The following NSD2 variants were observed in gnomAD, a reference collection of about 807,000 sequenced individuals.
The protein encoded by NSD2 is nuclear receptor binding SET domain protein 2.
A neutral mutation model predicts 139.0 loss-of-function variants in NSD2; 12 were observed. The ratio of observed to expected loss-of-function variants is 0.09; its 90% CI spans 0.06 to 0.14. The LOEUF (loss-of-function observed/expected upper bound fraction) is 0.14, where lower values mean the gene tolerates loss of function less well. NSD2 is among the 10% of genes least tolerant of loss of function. The pLI, the probability that NSD2 is intolerant of heterozygous loss-of-function variation, is 1.00. For synonymous variants in NSD2, 669 were observed against 648.7 expected, an observed-to-expected ratio of 1.03 and a Z score of -0.48; for missense variants, 1,155 against 1,745.0, an observed-to-expected ratio of 0.66 and a Z score of 6.02.
chr4:1,872,299 T>C (rs1299123837), intron 1 of NSD2, among the ~76,000 whole-genome samples: 2 of 152,150 alleles, frequency 1.3e-5, no homozygotes. Context: ...AGATTGATAG[T>C]CCTTGAAGCC....
chr4:1,889,642 C>T (rs1715380287), intron 1 of NSD2, among the ~76,000 whole-genome samples: 1 of 152,010 alleles, frequency 6.6e-6, no homozygotes, highest in African/African-American at 2.4e-5. Context: ...ACTGGGATTA[C>T]AGGCATGTGC....
rs1456717436 is a variant in NSD2, at chr4:1,972,169, C to G, written c.3373-2694C>G. On this transcript the variant is annotated intron_variant, in intron 18 of 21. Coordinates refer to ENST00000508803, the MANE Select transcript of NSD2 (RefSeq NM_001042424.3). The surrounding 1 kb of genome is among the most constrained non-coding windows in gnomAD (Gnocchi z 4.0). ...GGCCAGGTCCACAGGTTTTCCCCTG[C>G]CCTCCTCATGTATGCAGAGCCACAA... is the stretch of plus-strand genomic sequence containing the variant. Among the ~76,000 whole-genome samples the G allele has an allele frequency of 6.6e-6, 1 of 152,170 alleles. No individual in the cohort carries two copies. The highest frequency in any genetic ancestry group is 1.5e-5 in the Non-Finnish European group (1 of 68,032).
At chr4:1,920,592 T>C (rs189094333) in intron 5 of NSD2, among the ~76,000 whole-genome samples, 156 of 152,320 alleles carry the variant, frequency 1.0e-3, no homozygotes, top group Non-Finnish European at 1.5e-3. Flanking sequence ...ATGTGATATT[T>C]GGTACGTGCA....
intron 18 of NSD2, among the ~76,000 whole-genome samples, chr4:1,964,076 A>C (rs1254813777): frequency 6.6e-6 from 1 of 152,202 alleles, no homozygotes; most frequent in African/African-American, 2.4e-5. Context: ...TCGTGAGCAG[A>C]CCTTCCTAAT....
chr4:1,918,008 TG>T, intron 4 of NSD2, 132 bp from the exon 5 acceptor site: 1 of 1,093,690 alleles, frequency 9.1e-7, no homozygotes, highest in Non-Finnish European at 1.3e-6. Context: ...CTTAAACTCC[TG>T]GCCTCAAGTG....
chr4:1,890,976 C>G (rs1350788244), intron 1 of NSD2, among the ~76,000 whole-genome samples: 2 of 152,064 alleles, frequency 1.3e-5, no homozygotes, highest in African/African-American at 4.8e-5. Flanking sequence ...TCACTGCAGT[C>G]TCCACCTCAC....
intron 21 of NSD2, among the ~76,000 whole-genome samples, chr4:1,977,766 T>C (rs1423355225): frequency 1.4e-5 from 2 of 145,348 alleles, no homozygotes; most frequent in African/African-American, 5.2e-5. Context: ...CACTCCAGCC[T>C]GGGCGACAGA....
chr4:1,971,230 G>T (rs185105154), intron 18 of NSD2, among the ~76,000 whole-genome samples: 111 of 152,266 alleles, frequency 7.3e-4, no homozygotes, highest in African/African-American at 2.6e-3. Context: ...ATGCCAAGGT[G>T]AAGTCGAAGA....
chr4:1,942,828 GTCC>G lies in NSD2; in HGVS notation c.1881+3053_1881+3055del. 9.3e-7 allele frequency: 1 copy of G among 1,069,530 alleles called. No individual in the cohort carries two copies. The highest frequency in any genetic ancestry group is 1.1e-6 in the Non-Finnish European group (1 of 881,552). 66.3% of individuals were successfully genotyped at this position (1,069,530 alleles called of 1,614,324 possible). A position where few individuals can be genotyped will look rare whatever the true frequency, so the allele number is the denominator to read the frequency against. ...AAACTAACAGCACACGTTAGGAGGA[GTCC>G]TCATCAGCTGTTCTCATTGCCAGTG... On this transcript the variant is annotated intron_variant, in intron 9 of 21. Transcript: ENST00000508803. This position sits in a 1 kb window ranked among gnomAD's most constrained non-coding sequence, Gnocchi z 4.0.
chr4:1,961,065 C>T lies in NSD2; in HGVS notation c.3286C>T (p.Leu1096=). The change falls in exon 18 of 22, where the codon CTG becomes TTG. Residue 1096 remains leucine, a synonymous_variant. Transcript: ENST00000508803. ...GEFVNEYVGE[L]IDEEECMARI... is the part of the protein sequence containing the mutation. ...ATTTGTTAACGAGTACGTTGGGGAG[C>T]TGATCGACGAGGAGGAGTGCATGGC... 2 of 1,613,662 alleles carry T rather than the reference C, an allele frequency of 1.2e-6. No homozygotes were observed. Among genetic ancestry groups the T allele is most frequent in the Non-Finnish European group, 1.7e-6 (2 of 1,179,624 alleles).
intron 9 of NSD2, chr4:1,945,976 A>G (rs1723587558): frequency 2.6e-5 from 27 of 1,049,806 alleles, no homozygotes; most frequent in Non-Finnish European, 3.0e-5. Context: ...GGCCAGGTAG[A>G]CTTTTGTATA....
At chr4:1,954,372 C>CT (rs1243757705) in intron 12 of NSD2, among the ~76,000 whole-genome samples, 3 of 151,804 alleles carry the variant, frequency 2.0e-5, no homozygotes, top group Admixed American at 6.6e-5. Flanking sequence ...GACCTCTTTT[C>CT]TTTTTTTTGA....
In NSD2 at chr4:1,972,891, C is replaced by T. The variant is rs1052855417; in HGVS notation, c.3373-1972C>T. The stretch of plus-strand genomic sequence containing the variant: ...TTTTGGAGACGGAGTCTCACTCTGT[C>T]GCCTAGGCTGGAGTTCAGTGGCACA... On this transcript the variant is annotated intron_variant, in intron 18 of 21. Coordinates refer to ENST00000508803, the MANE Select transcript of NSD2 (RefSeq NM_001042424.3). The surrounding 1 kb of genome is among the most constrained non-coding windows in gnomAD (Gnocchi z 4.0). 1.3e-5 allele frequency among the ~76,000 whole-genome samples: 2 copies of T among 152,216 alleles called. No individual in the cohort carries two copies. The highest frequency in any genetic ancestry group is 2.1e-4 in the South Asian group (1 of 4,820).
chr4:1,891,205 G>A (rs1374280886), intron 1 of NSD2, among the ~76,000 whole-genome samples: 3 of 152,188 alleles, frequency 2.0e-5, no homozygotes, highest in Admixed American at 6.5e-5. Context: ...ACGTGGAATT[G>A]TTTTATATGA....
At chr4:1,962,755 C>T (rs1725497431) in intron 18 of NSD2, among the ~76,000 whole-genome samples, 1 of 152,260 alleles carries the variant, frequency 6.6e-6, no homozygotes, top group Non-Finnish European at 1.5e-5. Context: ...ACTGCAGCCT[C>T]GATCTCCTGG....
chr4:1,979,483 C>G lies in NSD2; in HGVS notation c.*574C>G, dbSNP rs894813838. 6 of 233,148 alleles carry G rather than the reference C, an allele frequency of 2.6e-5. No individual in the cohort carries two copies. The highest frequency in any genetic ancestry group is 5.1e-5 in the Non-Finnish European group (6 of 118,062). 14.4% of individuals were successfully genotyped at this position (233,148 alleles called of 1,614,324 possible). ...ATTGTTCCTCAGAAACGCTTCTTTTCCATCCTAGTGAGAAGCTGGCCCTGC... is the reference window on the plus strand; with the variant it reads ...ATTGTTCCTCAGAAACGCTTCTTTTGCATCCTAGTGAGAAGCTGGCCCTGC... On this transcript the variant is annotated 3_prime_UTR_variant, in exon 22 of 22. Coordinates refer to ENST00000508803, the MANE Select transcript of NSD2 (RefSeq NM_001042424.3).
chr4:1,962,912 A>G (rs1018411966), intron 18 of NSD2, among the ~76,000 whole-genome samples: 5 of 152,054 alleles, frequency 3.3e-5, no homozygotes, highest in African/African-American at 9.7e-5. Context: ...TTCCTCCTAC[A>G]TGCTCTGTCA....
rs1488554866 is a variant in NSD2, at chr4:1,976,774, C to T, written c.3826+95C>T. The T allele has an allele frequency of 7.4e-7, 1 of 1,354,876 alleles. No homozygotes were observed. The highest frequency in any genetic ancestry group is 9.9e-7 in the Non-Finnish European group (1 of 1,005,194). The allele number at this position is 1,354,876 out of a possible 1,614,324, so 83.9% of individuals were successfully genotyped here. On this transcript the variant is annotated intron_variant, in intron 21 of 21. Coordinates refer to ENST00000508803, the MANE Select transcript of NSD2 (RefSeq NM_001042424.3). This position sits in a 1 kb window ranked among gnomAD's most constrained non-coding sequence, Gnocchi z 5.3. ...GCTCTTCCTGCTGACCGGGCCTCAT[C>T]TGGGTGCAGGCACATCAGGCGCTCA...
intron 11 of NSD2, 68 bp from the exon 12 acceptor site, chr4:1,953,256 C>T (rs767292520): frequency 6.2e-7 from 1 of 1,613,350 alleles, no homozygotes; most frequent in Non-Finnish European, 8.5e-7. Flanking sequence ...ATTTTAGTGG[C>T]TCAGAACTGC....
Sources: allele counts gnomAD v4.1 joint callset (sites outside exome capture counted in the v4.1 genomes callset), GRCh38; gene constraint gnomAD v4.1.1; non-coding constraint Gnocchi (gnomAD v3.1); transcripts MANE v1.5; gene names NCBI Gene and HGNC (gene_info 2026-07-23, HGNC 2026-07-21).